The following SLC26A11 variants were observed in gnomAD, a reference collection of about 807,000 sequenced individuals.
SLC26A11 encodes solute carrier family 26 member 11, also known as sodium-independent sulfate anion transporter.
Under a neutral mutation model 62.2 loss-of-function variants are expected in SLC26A11, and 58 were observed. The observed-to-expected ratio is 0.93, with a 90% confidence interval of 0.76 to 1.16. The LOEUF is 1.16. Among genes scored for constraint, SLC26A11 ranks in the 50% most tolerant of loss-of-function variants. The pLI, the probability that SLC26A11 is intolerant of heterozygous loss-of-function variation, is 0.00. For missense variants in SLC26A11, 790 were observed against 794.3 expected (o/e 0.99, Z 0.06); for synonymous variants, 411 against 368.9 (o/e 1.11, Z -1.31).
intron 7 of SLC26A11, among the ~76,000 whole-genome samples, chr17:80,233,583 C>A (rs1321810135): frequency 1.6e-5 from 1 of 62,380 alleles, no homozygotes; most frequent in African/African-American, 5.5e-5. Flanking sequence ...ACTCTTTCAG[C>A]ATTTTTTTTT....
chr17:80,235,106 T>C (rs1031340134), intron 7 of SLC26A11, among the ~76,000 whole-genome samples: 1 of 152,206 alleles, frequency 6.6e-6, no homozygotes, highest in African/African-American at 2.4e-5. Flanking sequence ...TGCCTCGGCC[T>C]CCCAAAGTGC....
rs2042476168 is a variant in SLC26A11, at chr17:80,228,487, T to C, written c.736+527T>C. Among the ~76,000 whole-genome samples, 1 of 151,916 alleles carries C rather than the reference T, an allele frequency of 6.6e-6. No homozygotes were observed. The highest frequency in any genetic ancestry group is 2.1e-4 in the South Asian group (1 of 4,814). On this transcript the variant is annotated intron_variant, in intron 7 of 17. Coordinates refer to ENST00000361193, the MANE Select transcript of SLC26A11 (RefSeq NM_001166347.2). This position sits in a 1 kb window ranked among gnomAD's most constrained non-coding sequence, Gnocchi z 4.1. ...AAACTCGGTGGGTTCTGATGCAGGG[T>C]CAGAGCTGAGAACTGATGCATGGCC...
At chr17:80,240,456 C>T (rs757106052) in intron 9 of SLC26A11, among the ~76,000 whole-genome samples, 3 of 152,090 alleles carry the variant, frequency 2.0e-5, no homozygotes, top group South Asian at 2.1e-4. Context: ...TGAGATGGCC[C>T]GTCTTAGACT....
At position 80,237,013 on chromosome 17, in the gene SLC26A11, G is replaced by A. The variant is rs2042712511; in HGVS notation, c.822G>A (p.Gly274=). 6.2e-7 allele frequency: 1 copy of A among 1,614,156 alleles called. No individual in the cohort carries two copies. The highest frequency in any genetic ancestry group is 1.7e-5 in the Admixed American group (1 of 60,030). The change falls in exon 8 of 18, where the codon GGG becomes GGA. Residue 274 remains glycine, a synonymous_variant. Transcript: ENST00000361193. ...VTGYQPFILT[G]ETAEGLPPVR... ...GATACCAGCCTTTCATCCTAACAGG[G>A]GAGACAGCTGAGGGGCTCCCTCCAG...
chr17:80,248,603 A>G lies in SLC26A11; in HGVS notation c.1451A>G (p.Gln484Arg). Residue 484 changes from glutamine to arginine, a missense_variant, in exon 15 of 18, where the codon CAG becomes CGG. Gln to Arg is a conservative substitution (Grantham distance 43). Coordinates refer to ENST00000361193, the MANE Select transcript of SLC26A11 (RefSeq NM_001166347.2). ...TCAGAGGGGCCGGTTCTGGTCCTGC[A>G]GCCGGCCAGCGGCCTGTCCTTCCCT... is the stretch of plus-strand genomic sequence containing the variant. ...KVSEGPVLVL[Q>R]PASGLSFPAM... 4 of 1,588,726 alleles carry G rather than the reference A, an allele frequency of 2.5e-6. No homozygotes were observed. The highest frequency in any genetic ancestry group is 3.4e-6 in the Non-Finnish European group (4 of 1,168,002).
Position 80,221,547 on chromosome 17 carries a change from G to A in SLC26A11, c.-13-1G>A, listed in dbSNP as rs761402151. ...TGGTCTGTGTCACCTGCACCCCCCA[G>A]CCCCACCGTAGAGATGCCTTCTTCG... On this transcript the variant is annotated splice_acceptor_variant, in intron 2 of 17. Coordinates refer to ENST00000361193, the MANE Select transcript of SLC26A11 (RefSeq NM_001166347.2). LOFTEE classifies it low-confidence loss of function (5UTR_SPLICE). 2.2e-5 allele frequency: 34 copies of A among 1,562,708 alleles called. No individual in the cohort carries two copies. The South Asian group carries it at 3.8e-4, about 17-fold the overall frequency.
At chr17:80,224,493 CTT>C (rs1160463127) in intron 5 of SLC26A11, among the ~76,000 whole-genome samples, 2 of 151,982 alleles carry the variant, frequency 1.3e-5, no homozygotes, top group Non-Finnish European at 2.9e-5. Context: ...AAAGTAGACA[CTT>C]TTTGCACTCT....
At position 80,222,917 on chromosome 17, in the gene SLC26A11, AT is replaced by A; in HGVS notation, c.427+71del. 1 of 1,481,030 alleles carries A rather than the reference AT, an allele frequency of 6.8e-7. No individual in the cohort carries two copies. Among genetic ancestry groups the A allele is most frequent in the Non-Finnish European group, 9.1e-7 (1 of 1,096,684 alleles). The allele number at this position is 1,481,030 out of a possible 1,614,324, so 91.7% of individuals were successfully genotyped here. On this transcript the variant is annotated intron_variant, in intron 4 of 17. Transcript: ENST00000361193. This position sits in a 1 kb window ranked among gnomAD's most constrained non-coding sequence, Gnocchi z 4.7. Reference sequence around the variant, plus strand: ...ATTTGCTTGTTTGCATTTCAAGTCTATCCCCGTGTGCGTGTGTGTGCGTGTT... The same window carrying A: ...ATTTGCTTGTTTGCATTTCAAGTCTACCCCGTGTGCGTGTGTGTGCGTGTT...
intron 5 of SLC26A11, among the ~76,000 whole-genome samples, chr17:80,224,505 T>G (rs2042350387): frequency 6.6e-6 from 1 of 152,132 alleles, no homozygotes; most frequent in Admixed American, 6.5e-5. Flanking sequence ...TTTTGCACTC[T>G]TGCTACGTGC....
chr17:80,230,661 G>A (rs1285779236), intron 7 of SLC26A11, among the ~76,000 whole-genome samples: 2 of 152,058 alleles, frequency 1.3e-5, no homozygotes, highest in East Asian at 3.8e-4. Context: ...TCTAGTACTT[G>A]CCTAACCCTG....
At chr17:80,239,773 G>T (rs2042807944) in intron 9 of SLC26A11, among the ~76,000 whole-genome samples, 2 of 152,226 alleles carry the variant, frequency 1.3e-5, no homozygotes, top group Admixed American at 6.5e-5. Context: ...GCTTTCAAAA[G>T]TGCTAGGATT....
intron 10 of SLC26A11, among the ~76,000 whole-genome samples, chr17:80,242,502 C>T (rs541965680): frequency 6.6e-5 from 10 of 152,206 alleles, no homozygotes; most frequent in African/African-American, 2.4e-4. Flanking sequence ...AGGCTGTGGC[C>T]GGGGGAATCG....
chr17:80,239,121 C>T (rs1242556457), intron 9 of SLC26A11, among the ~76,000 whole-genome samples: 1 of 147,568 alleles, frequency 6.8e-6, no homozygotes, highest in Non-Finnish European at 1.5e-5. Context: ...ACTCTTGTTG[C>T]CCATGCTGGG....
intron 10 of SLC26A11, among the ~76,000 whole-genome samples, chr17:80,243,722 A>G (rs960667687): frequency 3.3e-5 from 5 of 152,230 alleles, no homozygotes; most frequent in African/African-American, 1.2e-4. Context: ...TAAAAATACC[A>G]CAGATCTATT....
intron 7 of SLC26A11, among the ~76,000 whole-genome samples, chr17:80,229,879 G>A (rs904802538): frequency 3.3e-4 from 50 of 152,262 alleles, no homozygotes; most frequent in African/African-American, 1.1e-3. Flanking sequence ...TTCAGGGCAC[G>A]CCCAGGGGAT....
At position 80,222,821 on chromosome 17, in the gene SLC26A11, A is replaced by G; in HGVS notation, c.401A>G (p.Gln134Arg). Residue 134 changes from glutamine to arginine, a missense_variant, in exon 4 of 18, where the codon CAG (glutamine) becomes CGG (arginine). Coordinates refer to ENST00000361193, the MANE Select transcript of SLC26A11 (RefSeq NM_001166347.2). This position sits in a 1 kb window ranked among gnomAD's most constrained non-coding sequence, Gnocchi z 4.7. ...CTGGCCTTCCTGTCCGGCTGCATCC[A>G]GCTGGCCATGGGGGTCCTGCGTTTG... ...VLLAFLSGCI[Q>R]LAMGVLRLGF... 1 of 1,614,098 alleles carries G rather than the reference A, an allele frequency of 6.2e-7. No individual in the cohort carries two copies. The highest frequency in any genetic ancestry group is 1.1e-5 in the South Asian group (1 of 91,078).
rs2043002014 is a variant in SLC26A11, at chr17:80,246,531, G to A, written c.1176G>A (p.Leu392=). 6.2e-7 allele frequency: 1 copy of A among 1,612,630 alleles called. No individual in the cohort carries two copies. The highest frequency in any genetic ancestry group is 1.3e-5 in the African/African-American group (1 of 74,946). The change falls in exon 13 of 18, where the codon CTG becomes CTA. Residue 392 remains leucine, a synonymous_variant. Coordinates refer to ENST00000361193, the MANE Select transcript of SLC26A11 (RefSeq NM_001166347.2). The surrounding 1 kb of genome is among the most constrained non-coding windows in gnomAD (Gnocchi z 4.4). ...LVTGVLVLLS[L]DYLTSLFYYI... The stretch of plus-strand genomic sequence containing the variant: ...CAGGAGTGCTGGTGCTGCTGTCTCT[G>A]GACTACCTGACCTCACTGTTCTACT...
rs144339113 is a variant in SLC26A11 at position 80,222,179 on chromosome 17, A to T, written c.234+385A>T. The T allele has an allele frequency of 7.4e-3, 1,539 of 208,728 alleles. 24 individuals are homozygous for T. Among genetic ancestry groups the T allele is most frequent in the African/African-American group, 0.034 (1,481 of 43,170 alleles). The allele number at this position is 208,728 out of a possible 1,614,324, so 12.9% of individuals were successfully genotyped here. On this transcript the variant is annotated intron_variant, in intron 3 of 17. Coordinates refer to ENST00000361193, the MANE Select transcript of SLC26A11 (RefSeq NM_001166347.2). This position sits in a 1 kb window ranked among gnomAD's most constrained non-coding sequence, Gnocchi z 4.7. ...ATCGCAAGGTCAGGAGATGGAGACC[A>T]TCCTGGCTAACAGGGTGAAACCCCG...
At position 80,222,465 on chromosome 17, in the gene SLC26A11, C is replaced by T; in HGVS notation, c.235-190C>T. On this transcript the variant is annotated intron_variant, in intron 3 of 17. Transcript: ENST00000361193. This position sits in a 1 kb window ranked among gnomAD's most constrained non-coding sequence, Gnocchi z 4.7. ...CTGCCTGGCTGTCTGCACCCTGAGG[C>T]CCCAGTTGAGTGCTGCTAAAAAAGT... 1 of 598,134 alleles carries T rather than the reference C, an allele frequency of 1.7e-6. No individual in the cohort carries two copies. Among genetic ancestry groups the T allele is most frequent in the Non-Finnish European group, 3.0e-6 (1 of 337,870 alleles). The allele number at this position is 598,134 out of a possible 1,614,324, so 37.1% of individuals were successfully genotyped here. A position where few individuals can be genotyped will look rare whatever the true frequency, so the allele number is the denominator to read the frequency against.
Sources: allele counts gnomAD v4.1 joint callset (sites outside exome capture counted in the v4.1 genomes callset), GRCh38; gene constraint gnomAD v4.1.1; non-coding constraint Gnocchi (gnomAD v3.1); transcripts MANE v1.5; gene names NCBI Gene and HGNC (gene_info 2026-07-23, HGNC 2026-07-21).